ZNF664: variants seen among roughly 807,000 people sequenced by gnomAD.
ZNF664 encodes zinc finger Organ of Corti 1.
ZNF664 carries 10 observed loss-of-function variants against 18.2 expected under a neutral mutation model. That is an observed-to-expected ratio of 0.55 (90% CI 0.34 to 0.93). ZNF664 has a LOEUF of 0.93. Among genes scored for constraint, ZNF664 ranks in the 40% least tolerant of loss-of-function variants. The pLI is 0.02. For missense variants in ZNF664, 193 were observed against 319.0 expected (o/e 0.61, Z 3.01); for synonymous variants, 119 against 104.2 (o/e 1.14, Z -0.86).
At chr12:123,988,990 G>A (rs976365117) in intron 3 of ZNF664, among the ~76,000 whole-genome samples, 2 of 152,152 alleles carry the variant, frequency 1.3e-5, no homozygotes, top group African/African-American at 4.8e-5. Context: ...GCTTCTGGGG[G>A]CATGAGCTTC....
chr12:123,974,646 A>G (rs1010730038), intron 2 of ZNF664: 1 of 152,182 alleles, frequency 6.6e-6, no homozygotes, highest in East Asian at 1.9e-4. Flanking sequence ...AGGGATGCCG[A>G]CTATTATGTG....
At chr12:123,985,189 T>C (rs1394086704) in intron 2 of ZNF664, among the ~76,000 whole-genome samples, 1 of 152,196 alleles carries the variant, frequency 6.6e-6, no homozygotes, top group African/African-American at 2.4e-5. Context: ...AGAACACATG[T>C]CACTTATCTG....
rs1254725178 is a variant in ZNF664 at position 123,973,255 on chromosome 12, C to T, written c.-989C>T. 107 of 997,660 alleles carry T rather than the reference C, an allele frequency of 1.1e-4. No homozygotes were observed. The highest frequency in any genetic ancestry group is 1.2e-4 in the Admixed American group (2 of 16,304). 61.8% of individuals were successfully genotyped at this position (997,660 alleles called of 1,614,324 possible). ...GGCGTCTGGGTGTGCGGAGCGCGCG[C>T]GCGCGCGGCTCGGAGGCGCACCTGT... On this transcript the variant is annotated 5_prime_UTR_variant, in exon 1 of 5. Transcript: ENST00000337815.
chr12:123,993,656 C>T (rs998155745), intron 3 of ZNF664, among the ~76,000 whole-genome samples: 9 of 152,172 alleles, frequency 5.9e-5, no homozygotes, highest in African/African-American at 2.2e-4. Context: ...GCCCTCTTAA[C>T]CCGGTTCCTT....
chr12:123,980,841 T>G (rs1004476440), intron 2 of ZNF664, among the ~76,000 whole-genome samples: 2 of 152,240 alleles, frequency 1.3e-5, no homozygotes, highest in African/African-American at 4.8e-5. Context: ...TTGCCAAGAT[T>G]ACATGTACCT....
chr12:124,006,188 A>G (rs1273989997), intron 3 of ZNF664: 1 of 152,314 alleles, frequency 6.6e-6, no homozygotes, highest in East Asian at 1.9e-4. Context: ...TTTGTGGAAC[A>G]TCGATTGTAG....
At position 124,015,096 on chromosome 12, in the gene ZNF664, A is replaced by G. The variant is rs1957176422; in HGVS notation, c.*2166A>G. 1 of 167,122 alleles carries G rather than the reference A, an allele frequency of 6.0e-6. No individual in the cohort carries two copies. Among genetic ancestry groups the G allele is most frequent in the Non-Finnish European group, 1.5e-5 (1 of 68,134 alleles). 10.4% of individuals were successfully genotyped at this position (167,122 alleles called of 1,614,324 possible). On this transcript the variant is annotated 3_prime_UTR_variant, in exon 5 of 5. Transcript: ENST00000337815. Reference sequence around the variant, plus strand: ...GATAGCCAGTTGAAATATCATTGATAGAATTTTAGTTTTAGGAAAAATTGG... The same window carrying G: ...GATAGCCAGTTGAAATATCATTGATGGAATTTTAGTTTTAGGAAAAATTGG...
At chr12:123,989,493 G>A (rs1405974446) in intron 3 of ZNF664, 1 of 152,106 alleles carries the variant, frequency 6.6e-6, no homozygotes, top group East Asian at 1.9e-4. Flanking sequence ...TTTCATTCCC[G>A]TATGCGCTTT....
At chr12:123,991,321 A>C (rs545552844) in intron 3 of ZNF664, among the ~76,000 whole-genome samples, 211 of 152,280 alleles carry the variant, frequency 1.4e-3, no homozygotes, top group Middle Eastern at 6.8e-3. Context: ...AATATTTTTT[A>C]AAAAGCAATC....
rs997312730 is a variant in ZNF664 at position 124,013,910 on chromosome 12, T to C, written c.*980T>C. ...CTTGATACCCCTTCATTGATTACTG[T>C]GTATCAGTTCTTTGTTAGGCATGAA... On this transcript the variant is annotated 3_prime_UTR_variant, in exon 5 of 5. Coordinates refer to ENST00000337815, the MANE Select transcript of ZNF664 (RefSeq NM_152437.3). The C allele has an allele frequency of 3.6e-5, 6 of 167,094 alleles. No homozygotes were observed. Among genetic ancestry groups the C allele is most frequent in the African/African-American group, 1.2e-4 (5 of 41,450 alleles). The allele number at this position is 167,094 out of a possible 1,614,324, so 10.4% of individuals were successfully genotyped here.
At chr12:123,984,145 T>C (rs931919996) in intron 2 of ZNF664, among the ~76,000 whole-genome samples, 1 of 152,082 alleles carries the variant, frequency 6.6e-6, no homozygotes, top group Non-Finnish European at 1.5e-5. Context: ...CTGGTGTGGA[T>C]GTTAGGAGCA....
chr12:123,983,044 A>G (rs1342123328), intron 2 of ZNF664, among the ~76,000 whole-genome samples: 2 of 152,302 alleles, frequency 1.3e-5, no homozygotes, highest in African/African-American at 4.8e-5. Context: ...GGTTCCAGCT[A>G]CTTAAGAGGC....
rs1957085038 is a variant in ZNF664, at chr12:124,007,392, GC to G, written c.-660-3988del. Among the ~76,000 whole-genome samples the G allele has an allele frequency of 2.6e-5, 4 of 152,308 alleles. No individual in the cohort carries two copies. The South Asian group carries it at 8.3e-4, about 32-fold the overall frequency. On this transcript the variant is annotated intron_variant, in intron 3 of 4. Transcript: ENST00000337815. Reference sequence around the variant, plus strand: ...CCTGGCAGCTTGATTCCTGGAGGGGGCTCTGGAAGACACCCCTGCTGGGGTT... The same window carrying G: ...CCTGGCAGCTTGATTCCTGGAGGGGGTCTGGAAGACACCCCTGCTGGGGTT...
chr12:124,004,050 G>C (rs2138431472), intron 3 of ZNF664, among the ~76,000 whole-genome samples: 1 of 152,304 alleles, frequency 6.6e-6, no homozygotes. Context: ...GGGAACAAAG[G>C]GTCAGGCCAC....
chr12:123,996,958 T>TGACTTTTTGGTGTCAGAGGTGAA (rs1447945622), intron 3 of ZNF664, among the ~76,000 whole-genome samples: 1 of 152,266 alleles, frequency 6.6e-6, no homozygotes, highest in Non-Finnish European at 1.5e-5. Flanking sequence ...TATGTGTCGT[T>TGACTTTTTGGTGTCAGAGGTGAA]GACTTTTTGG....
rs1432791262 is a variant in ZNF664 at position 124,013,262 on chromosome 12, A to G, written c.*332A>G. Reference sequence around the variant, plus strand: ...CGGCCTCCTGAGTCACCTTCTATCTATACTTTGCTTAAAAGCTATCCCAGA... The same window carrying G: ...CGGCCTCCTGAGTCACCTTCTATCTGTACTTTGCTTAAAAGCTATCCCAGA... On this transcript the variant is annotated 3_prime_UTR_variant, in exon 5 of 5. Coordinates refer to ENST00000337815, the MANE Select transcript of ZNF664 (RefSeq NM_152437.3). 3 of 323,154 alleles carry G rather than the reference A, an allele frequency of 9.3e-6. No individual in the cohort carries two copies. Among genetic ancestry groups the G allele is most frequent in the African/African-American group, 2.2e-5 (1 of 46,264 alleles). The allele number at this position is 323,154 out of a possible 1,614,324, so 20.0% of individuals were successfully genotyped here.
intron 3 of ZNF664, among the ~76,000 whole-genome samples, chr12:124,009,505 T>C (rs1481335946): frequency 6.6e-6 from 1 of 151,886 alleles, no homozygotes; most frequent in East Asian, 1.9e-4. Context: ...TTTTATATTT[T>C]ATATTTTATT....
At chr12:124,003,891 G>A (rs1003325796) in intron 3 of ZNF664, among the ~76,000 whole-genome samples, 3 of 152,240 alleles carry the variant, frequency 2.0e-5, no homozygotes, top group Admixed American at 1.3e-4. Context: ...ATGTGTGGTC[G>A]TGAGTTAAAT....
At chr12:124,004,427 C>T (rs1266095199) in intron 3 of ZNF664, among the ~76,000 whole-genome samples, 1 of 152,242 alleles carries the variant, frequency 6.6e-6, no homozygotes, top group Non-Finnish European at 1.5e-5. Context: ...TAGAGTTTCA[C>T]TCAAGATGGA....
Sources: gnomAD v4.1 joint callset for allele counts (sites outside exome capture counted in the v4.1 genomes callset) on GRCh38, gnomAD v4.1.1 for gene constraint, MANE v1.5 for transcripts, NCBI Gene and HGNC (gene_info 2026-07-23, HGNC 2026-07-21) for gene names.